Variants in NMNAT2 observed in about 807,000 individuals in gnomAD.
NMNAT2 encodes the protein nicotinamide nucleotide adenylyltransferase 2.
NMNAT2 carries 11 observed loss-of-function variants against 41.6 expected under a neutral mutation model. That is an observed-to-expected ratio of 0.26 (90% CI 0.17 to 0.44). The LOEUF is 0.44. Ranked by LOEUF, NMNAT2 falls within the 20% of genes least tolerant of loss-of-function variation. The probability of loss-of-function intolerance (pLI) is 1.00; values close to 1 mark genes in which losing one functional copy is unlikely to be tolerated. For synonymous variants in NMNAT2, 148 were observed against 151.2 expected (o/e 0.98, Z 0.16); for missense variants, 288 against 407.7 (o/e 0.71, Z 2.53).
intron 1 of NMNAT2, among the ~76,000 whole-genome samples, chr1:183,299,239 G>T (rs1055357801): frequency 6.6e-6 from 1 of 152,100 alleles, no homozygotes; most frequent in African/African-American, 2.4e-5. Context: ...GGGCATGGTG[G>T]GTGGCACACA....
intron 1 of NMNAT2, among the ~76,000 whole-genome samples, chr1:183,319,257 G>A (rs138197559): frequency 1.4e-3 from 211 of 152,324 alleles, no homozygotes; most frequent in Non-Finnish European, 2.3e-3. Flanking sequence ...CCCGTGCTGA[G>A]TGCCAGGAAT....
intron 1 of NMNAT2, among the ~76,000 whole-genome samples, chr1:183,330,058 A>AT (rs1212910353): frequency 6.6e-6 from 1 of 152,168 alleles, no homozygotes; most frequent in African/African-American, 2.4e-5. Context: ...CAAAACAGTG[A>AT]CTGAGCATAT....
chr1:183,358,685 C>A (rs1423554441), intron 1 of NMNAT2, among the ~76,000 whole-genome samples: 1 of 152,182 alleles, frequency 6.6e-6, no homozygotes, highest in African/African-American at 2.4e-5. Flanking sequence ...CTTTTTTCCC[C>A]TCATCATGTG....
At chr1:183,358,600 G>C (rs1443483482) in intron 1 of NMNAT2, among the ~76,000 whole-genome samples, 1 of 152,150 alleles carries the variant, frequency 6.6e-6, no homozygotes, top group Non-Finnish European at 1.5e-5. Context: ...ATTGAGAAGG[G>C]AGAGCTGGAG....
chr1:183,368,492 G>C (rs1201462231), intron 1 of NMNAT2, among the ~76,000 whole-genome samples: 1 of 152,290 alleles, frequency 6.6e-6, no homozygotes, highest in South Asian at 2.1e-4. Context: ...CAGAATTGGG[G>C]TGTTTGGGGA....
At chr1:183,283,120 C>G (rs1342955278) in intron 7 of NMNAT2, 3 of 152,216 alleles carry the variant, frequency 2.0e-5, no homozygotes, top group Non-Finnish European at 2.9e-5. Context: ...CAAACCCTGC[C>G]TCTCAGGATT....
At chr1:183,377,022 G>T (rs1478310413) in intron 1 of NMNAT2, among the ~76,000 whole-genome samples, 3 of 152,108 alleles carry the variant, frequency 2.0e-5, no homozygotes, top group Non-Finnish European at 4.4e-5. Flanking sequence ...AACAGCAACT[G>T]CTGGAATTTC....
intron 1 of NMNAT2, among the ~76,000 whole-genome samples, chr1:183,344,151 A>G (rs1662876729): frequency 6.6e-6 from 1 of 152,118 alleles, no homozygotes; most frequent in Admixed American, 6.5e-5. Context: ...TCATCATTAT[A>G]CTCATCATTA....
chr1:183,405,064 G>C (rs1274575288), intron 1 of NMNAT2, among the ~76,000 whole-genome samples: 4 of 151,946 alleles, frequency 2.6e-5, no homozygotes, highest in African/African-American at 9.7e-5. Flanking sequence ...CTATAAAAAA[G>C]CAAAAATTAG....
rs962964486 is a variant in NMNAT2, at chr1:183,260,942, T to A, written c.821+60A>T. The A allele has an allele frequency of 6.7e-6, 9 of 1,351,628 alleles. No individual in the cohort carries two copies. The African/African-American group carries it at 1.3e-4, about 19-fold the overall frequency. 83.7% of individuals were successfully genotyped at this position (1,351,628 alleles called of 1,614,324 possible). On this transcript the variant is annotated intron_variant, in intron 10 of 10. Coordinates refer to ENST00000287713, the MANE Select transcript of NMNAT2 (RefSeq NM_015039.4). ...TAGGGTCATCTTTGATGGAGGAAATTTATGTGGAGACTTATAAGACAGTTT... is the reference window on the plus strand; with the variant it reads ...TAGGGTCATCTTTGATGGAGGAAATATATGTGGAGACTTATAAGACAGTTT...
At chr1:183,290,963 C>T (rs1246608278) in intron 3 of NMNAT2, among the ~76,000 whole-genome samples, 1 of 152,186 alleles carries the variant, frequency 6.6e-6, no homozygotes, top group African/African-American at 2.4e-5. Flanking sequence ...GTCACCCAGG[C>T]TGGAGTGCAG....
intron 1 of NMNAT2, among the ~76,000 whole-genome samples, chr1:183,337,398 C>A (rs1662699354): frequency 6.6e-6 from 1 of 151,874 alleles, no homozygotes; most frequent in Non-Finnish European, 1.5e-5. Flanking sequence ...TCTCTTTAAA[C>A]TTCAAAATCC....
In NMNAT2 at chr1:183,313,510, C is replaced by T. The variant is rs190653452; in HGVS notation, c.86-19717G>A. 2.5e-3 allele frequency among the ~76,000 whole-genome samples: 388 copies of T among 152,204 alleles called. 2 individuals carry two copies. Among genetic ancestry groups the T allele is most frequent in the Admixed American group, 4.6e-3 (70 of 15,256 alleles). The stretch of plus-strand genomic sequence containing the variant: ...CATTTCTTTTTTTGAGATGGAGTCT[C>T]GCTCTTTTGCCCAGGCTGGAGTGCA... On this transcript the variant is annotated intron_variant, in intron 1 of 10. Coordinates refer to ENST00000287713, the MANE Select transcript of NMNAT2 (RefSeq NM_015039.4).
intron 8 of NMNAT2, among the ~76,000 whole-genome samples, chr1:183,273,801 TTCTC>T (rs1238684468): frequency 3.4e-5 from 5 of 145,122 alleles, no homozygotes; most frequent in Admixed American, 1.4e-4. Flanking sequence ...CTCTCTCTCT[TTCTC>T]TCTTTCTTTC....
At chr1:183,374,146 G>T (rs1200080801) in intron 1 of NMNAT2, among the ~76,000 whole-genome samples, 2 of 152,230 alleles carry the variant, frequency 1.3e-5, no homozygotes, top group Non-Finnish European at 2.9e-5. Context: ...GTAGGGTTGA[G>T]GGTCTGAACC....
At chr1:183,328,478 A>C (rs12122499) in intron 1 of NMNAT2, among the ~76,000 whole-genome samples, 68,176 of 152,066 alleles carry the variant, frequency 0.45, 16,293 homozygotes, top group East Asian at 0.78. Flanking sequence ...GGGCAATGAA[A>C]CCTCTGCTCT....
At position 183,283,984 on chromosome 1, in the gene NMNAT2, G is replaced by C. The variant is rs368513634; in HGVS notation, c.574+11C>G. The C allele has an allele frequency of 2.5e-6, 4 of 1,613,760 alleles. No homozygotes were observed. In the African/African-American group the frequency reaches 4.0e-5, roughly 16 times the overall value. On this transcript the variant is annotated intron_variant, in intron 7 of 10. Transcript: ENST00000287713. ...TGTCCCCATTTTCCGCACTTTCGCAGTCCCACTCACCAATCTCTTCATACC... is the reference window on the plus strand; with the variant it reads ...TGTCCCCATTTTCCGCACTTTCGCACTCCCACTCACCAATCTCTTCATACC...
chr1:183,393,395 A>G lies in NMNAT2; in HGVS notation c.85+24788T>C, dbSNP rs539151499. 2.0e-5 allele frequency among the ~76,000 whole-genome samples: 3 copies of G among 152,134 alleles called. No individual in the cohort carries two copies. In the South Asian group the frequency reaches 6.2e-4, roughly 32 times the overall value. ...GCCCAGCTTCAAGGTCACCCAGATG[A>G]TGAGTGCAAACTTGGGATGAACCTT... On this transcript the variant is annotated intron_variant, in intron 1 of 10. Coordinates refer to ENST00000287713, the MANE Select transcript of NMNAT2 (RefSeq NM_015039.4).
intron 8 of NMNAT2, among the ~76,000 whole-genome samples, chr1:183,278,125 A>C (rs1377427860): frequency 2.0e-5 from 3 of 152,128 alleles, no homozygotes; most frequent in Admixed American, 2.0e-4. Context: ...CTTGCCATGA[A>C]CTTCTCCCCT....
Sources: gnomAD v4.1 joint callset for allele counts (sites outside exome capture counted in the v4.1 genomes callset) on GRCh38, gnomAD v4.1.1 for gene constraint, MANE v1.5 for transcripts, NCBI Gene and HGNC (gene_info 2026-07-23, HGNC 2026-07-21) for gene names.